The following EFR3B variants were observed in gnomAD, a reference collection of about 807,000 sequenced individuals.
The protein encoded by EFR3B is protein EFR3 homolog B.
EFR3B carries 64 observed loss-of-function variants against 104.7 expected under a neutral mutation model. That is an observed-to-expected ratio of 0.61 (90% CI 0.50 to 0.75). The LOEUF (loss-of-function observed/expected upper bound fraction) is 0.75, where lower values mean the gene tolerates loss of function less well. Among genes scored for constraint, EFR3B ranks in the 30% least tolerant of loss-of-function variants. The probability of loss-of-function intolerance (pLI) is 0.00; values close to 1 mark genes in which losing one functional copy is unlikely to be tolerated. For synonymous variants in EFR3B, 385 were observed against 417.9 expected, an observed-to-expected ratio of 0.92 and a Z score of 0.96; for missense variants, 750 against 1,078.5, an observed-to-expected ratio of 0.70 and a Z score of 4.27.
intron 4 of EFR3B, among the ~76,000 whole-genome samples, chr2:25,111,569 T>C (rs1359261066): frequency 6.6e-6 from 1 of 152,236 alleles, no homozygotes; most frequent in African/African-American, 2.4e-5. Flanking sequence ...AACCTGTGAA[T>C]GCCACCTTAT....
At chr2:25,109,389 A>G (rs1379965238) in intron 4 of EFR3B, among the ~76,000 whole-genome samples, 1 of 152,250 alleles carries the variant, frequency 6.6e-6, no homozygotes, top group Admixed American at 6.5e-5. Context: ...GTTTGCAAGG[A>G]TGTGTGGAAA....
At chr2:25,064,601 T>C (rs1668281803) in intron 1 of EFR3B, among the ~76,000 whole-genome samples, 1 of 152,124 alleles carries the variant, frequency 6.6e-6, no homozygotes, top group Non-Finnish European at 1.5e-5. Context: ...AGAGTATGAG[T>C]TATTTATTGG....
chr2:25,054,122 G>T (rs1002484601), intron 1 of EFR3B, among the ~76,000 whole-genome samples: 3 of 152,132 alleles, frequency 2.0e-5, no homozygotes, highest in Admixed American at 6.5e-5. Context: ...AGTCCCAGAT[G>T]ACCGTCTTCC....
At chr2:25,118,189 C>T (rs546472865) in intron 4 of EFR3B, among the ~76,000 whole-genome samples, 7 of 152,250 alleles carry the variant, frequency 4.6e-5, no homozygotes, top group Middle Eastern at 3.4e-3. Context: ...CCCTGTTGTC[C>T]GGGCTGGTCT....
chr2:25,042,815 C>A lies in EFR3B; in HGVS notation c.7+496C>A. The A allele has an allele frequency of 1.9e-6, 1 of 513,400 alleles. No homozygotes were observed. Among genetic ancestry groups the A allele is most frequent in the Non-Finnish European group, 2.5e-6 (1 of 398,312 alleles). The allele number at this position is 513,400 out of a possible 1,614,324, so 31.8% of individuals were successfully genotyped here. A position where few individuals can be genotyped will look rare whatever the true frequency, so the allele number is the denominator to read the frequency against. Reference sequence around the variant, plus strand: ...AGCCAGTGGCCGAGTCTCGTCTCGCCCGCCTGAATGGACTCGGCCTCTGCC... The same window carrying A: ...AGCCAGTGGCCGAGTCTCGTCTCGCACGCCTGAATGGACTCGGCCTCTGCC... On this transcript the variant is annotated intron_variant, in intron 1 of 22. Coordinates refer to ENST00000403714, the MANE Select transcript of EFR3B (RefSeq NM_014971.2). This position sits in a 1 kb window ranked among gnomAD's most constrained non-coding sequence, Gnocchi z 5.4.
intron 1 of EFR3B, among the ~76,000 whole-genome samples, chr2:25,083,181 A>T (rs1668857519): frequency 6.6e-6 from 1 of 152,220 alleles, no homozygotes; most frequent in Non-Finnish European, 1.5e-5. Flanking sequence ...CAGGTAAGAC[A>T]GCTCCTAGTG....
At chr2:25,133,036 G>A in intron 11 of EFR3B, 22 bp downstream of exon 11, 1 of 1,543,132 alleles carries the variant, frequency 6.5e-7, no homozygotes, top group Middle Eastern at 1.7e-4. Flanking sequence ...ATCTCCCCCA[G>A]CCTGGAGTCC....
chr2:25,125,606 C>T (rs1310005449), intron 5 of EFR3B, among the ~76,000 whole-genome samples: 1 of 152,174 alleles, frequency 6.6e-6, no homozygotes, highest in East Asian at 1.9e-4. Flanking sequence ...CACCTCCAGC[C>T]ACAGTTCCTC....
At chr2:25,122,300 G>A (rs1301182844) in intron 5 of EFR3B, among the ~76,000 whole-genome samples, 1 of 152,022 alleles carries the variant, frequency 6.6e-6, no homozygotes, top group African/African-American at 2.4e-5. Flanking sequence ...AAACTGCTTG[G>A]GCCAGACAAA....
chr2:25,048,596 G>A (rs1245245543), intron 1 of EFR3B, among the ~76,000 whole-genome samples: 1 of 151,278 alleles, frequency 6.6e-6, no homozygotes, highest in East Asian at 2.0e-4. Flanking sequence ...ACTTGTGGGT[G>A]GCAAGCCACC....
intron 19 of EFR3B, among the ~76,000 whole-genome samples, chr2:25,148,758 T>A (rs547341385): frequency 2.3e-4 from 34 of 149,190 alleles, no homozygotes; most frequent in Admixed American, 9.3e-4. Context: ...CCGTCTCTAC[T>A]AAAAATACAA....
At position 25,130,427 on chromosome 2, in the gene EFR3B, C is replaced by T. The variant is rs1670296632; in HGVS notation, c.771-125C>T. 2 of 920,306 alleles carry T rather than the reference C, an allele frequency of 2.2e-6. No individual in the cohort carries two copies. The highest frequency in any genetic ancestry group is 1.7e-6 in the Non-Finnish European group (1 of 578,702). 57.0% of individuals were successfully genotyped at this position (920,306 alleles called of 1,614,324 possible). On this transcript the variant is annotated intron_variant, in intron 7 of 22. Transcript: ENST00000403714. This position sits in a 1 kb window ranked among gnomAD's most constrained non-coding sequence, Gnocchi z 4.6. ...GACTACCCCAAGGCCCTTCAGGCTT[C>T]ACTTCCTCACCCGGGAACTGTGCGA...
chr2:25,128,474 C>A, intron 6 of EFR3B, 142 bp downstream of exon 6: 3 of 1,086,430 alleles, frequency 2.8e-6, no homozygotes, highest in Non-Finnish European at 2.6e-6. Flanking sequence ...GCAGTGAGTC[C>A]AAAGCTGGCT....
intron 11 of EFR3B, 27 bp downstream of exon 11, chr2:25,133,041 G>C (rs751563495): frequency 6.5e-7 from 1 of 1,537,736 alleles, no homozygotes. Context: ...CCCCAGCCTG[G>C]AGTCCTCCTC....
chr2:25,156,184 T>C lies in EFR3B; in HGVS notation c.*1844T>C, dbSNP rs1368083361. 1 of 152,152 alleles carries C rather than the reference T, an allele frequency of 6.6e-6. No individual in the cohort carries two copies. The highest frequency in any genetic ancestry group is 1.5e-5 in the Non-Finnish European group (1 of 68,008). 9.4% of individuals were successfully genotyped at this position (152,152 alleles called of 1,614,324 possible). A position where few individuals can be genotyped will look rare whatever the true frequency, so the allele number is the denominator to read the frequency against. ...CCCATTAATATGTGCAATAAATGTCTTGGGGAAGGGGCTATTTGACCCTCA... is the reference window on the plus strand; with the variant it reads ...CCCATTAATATGTGCAATAAATGTCCTGGGGAAGGGGCTATTTGACCCTCA... On this transcript the variant is annotated 3_prime_UTR_variant, in exon 23 of 23. Coordinates refer to ENST00000403714, the MANE Select transcript of EFR3B (RefSeq NM_014971.2).
chr2:25,153,584 C>T, intron 21 of EFR3B, 128 bp from the exon 22 acceptor site: 1 of 905,964 alleles, frequency 1.1e-6, no homozygotes. Flanking sequence ...GCGTGTTCAC[C>T]TCTGCCTGCC....
Position 25,154,888 on chromosome 2 carries a change from T to G in EFR3B, c.*548T>G, listed in dbSNP as rs1244180572. The G allele has an allele frequency of 6.5e-6, 1 of 153,588 alleles. No individual in the cohort carries two copies. The highest frequency in any genetic ancestry group is 1.4e-5 in the Non-Finnish European group (1 of 69,048). 9.5% of individuals were successfully genotyped at this position (153,588 alleles called of 1,614,324 possible). Reference sequence around the variant, plus strand: ...CATGTTTCTTTCTACTATTAATGAATGCTGAGCCCTTATAACAGGAGCTGG... The same window carrying G: ...CATGTTTCTTTCTACTATTAATGAAGGCTGAGCCCTTATAACAGGAGCTGG... On this transcript the variant is annotated 3_prime_UTR_variant, in exon 23 of 23. Transcript: ENST00000403714. The surrounding 1 kb of genome is among the most constrained non-coding windows in gnomAD (Gnocchi z 4.1).
At chr2:25,150,444 CTATT>C (rs753928332) in intron 20 of EFR3B, among the ~76,000 whole-genome samples, 11 of 151,980 alleles carry the variant, frequency 7.2e-5, no homozygotes, top group African/African-American at 1.5e-4. Context: ...ATATGAATGT[CTATT>C]TAATAAGGGC....
At chr2:25,079,997 G>A in intron 1 of EFR3B, 2 of 995,514 alleles carry the variant, frequency 2.0e-6, no homozygotes, top group Non-Finnish European at 3.2e-6. Flanking sequence ...TTTCCTCCAA[G>A]TCGTCACAAG....
Sources: allele counts gnomAD v4.1 joint callset (sites outside exome capture counted in the v4.1 genomes callset), GRCh38; gene constraint gnomAD v4.1.1; non-coding constraint Gnocchi (gnomAD v3.1); transcripts MANE v1.5; gene names NCBI Gene and HGNC (gene_info 2026-07-23, HGNC 2026-07-21).